APBA1: variants seen among roughly 807,000 people sequenced by gnomAD.
APBA1 encodes amyloid beta precursor protein binding family A member 1, also known as amyloid-beta A4 precursor protein-binding family A member 1.
A neutral mutation model predicts 86.6 loss-of-function variants in APBA1; 55 were observed. That is an observed-to-expected ratio of 0.64 (90% CI 0.51 to 0.80). The LOEUF is 0.80. APBA1 is among the 30% of genes least tolerant of loss of function. The pLI is 0.00. For synonymous variants in APBA1, 511 were observed against 493.9 expected (o/e 1.03, Z -0.46); for missense variants, 1,090 against 1,183.0 (o/e 0.92, Z 1.15).
At chr9:69,488,980 AG>A (rs987614064) in intron 2 of APBA1, among the ~76,000 whole-genome samples, 17 of 152,238 alleles carry the variant, frequency 1.1e-4, no homozygotes, top group African/African-American at 4.1e-4. Context: ...GAAATAAAAG[AG>A]GACACAAACA....
chr9:69,456,001 A>G (rs1835089577), intron 8 of APBA1, among the ~76,000 whole-genome samples: 1 of 152,060 alleles, frequency 6.6e-6, no homozygotes, highest in African/African-American at 2.4e-5. Flanking sequence ...TTGTCTGTGG[A>G]GCACTCCCCA....
intron 1 of APBA1, among the ~76,000 whole-genome samples, chr9:69,521,746 G>T (rs908752842): frequency 6.6e-6 from 1 of 152,164 alleles, no homozygotes; most frequent in African/African-American, 2.4e-5. Flanking sequence ...GCCTTGTGAA[G>T]ATCTGAGGGC....
intron 1 of APBA1, among the ~76,000 whole-genome samples, chr9:69,558,390 C>A (rs1703761554): frequency 6.6e-6 from 1 of 151,806 alleles, no homozygotes; most frequent in African/African-American, 2.4e-5. Flanking sequence ...ATTACTATGT[C>A]TTTTCTATGC....
intron 2 of APBA1, among the ~76,000 whole-genome samples, chr9:69,499,716 G>A (rs1835853416): frequency 6.6e-6 from 1 of 151,074 alleles, no homozygotes; most frequent in African/African-American, 2.4e-5. Context: ...AGGGCAGGGA[G>A]AGGGTAACAT....
intron 1 of APBA1, among the ~76,000 whole-genome samples, chr9:69,631,121 A>T (rs979409137): frequency 6.6e-6 from 1 of 152,168 alleles, no homozygotes; most frequent in African/African-American, 2.4e-5. Context: ...GGTAGATGCT[A>T]CTCTGCTGTT....
At chr9:69,598,273 G>A (rs1564087942) in intron 1 of APBA1, among the ~76,000 whole-genome samples, 1 of 151,870 alleles carries the variant, frequency 6.6e-6, no homozygotes, top group Non-Finnish European at 1.5e-5. Flanking sequence ...TCACACTCTG[G>A]GGACTGTGGT....
At chr9:69,666,813 A>T (rs1823848719) in intron 1 of APBA1, among the ~76,000 whole-genome samples, 1 of 152,204 alleles carries the variant, frequency 6.6e-6, no homozygotes, top group Admixed American at 6.5e-5. Context: ...GCTATCATAA[A>T]CTTGCACAGG....
intron 1 of APBA1, among the ~76,000 whole-genome samples, chr9:69,543,291 CGGCCTGT>C (rs1836648329): frequency 2.1e-5 from 3 of 143,848 alleles, no homozygotes; most frequent in South Asian, 2.4e-4. Context: ...CCCCCCCCCC[CGGCCTGT>C]CCTCCACAGC....
intron 1 of APBA1, among the ~76,000 whole-genome samples, chr9:69,560,189 C>A (rs1836927087): frequency 6.6e-6 from 1 of 152,202 alleles, no homozygotes; most frequent in Non-Finnish European, 1.5e-5. Flanking sequence ...TTCTCTGGTT[C>A]TTTTGAACTG....
chr9:69,557,675 G>A (rs2133934899), intron 1 of APBA1, among the ~76,000 whole-genome samples: 1 of 152,308 alleles, frequency 6.6e-6, no homozygotes, highest in Non-Finnish European at 1.5e-5. Flanking sequence ...TTCTGATAAT[G>A]CAGTCACTTT....
chr9:69,539,473 A>G (rs1023167902), intron 1 of APBA1, among the ~76,000 whole-genome samples: 2 of 152,138 alleles, frequency 1.3e-5, no homozygotes, highest in Non-Finnish European at 2.9e-5. Flanking sequence ...TTCAAAATGG[A>G]TCAAGAACCA....
At chr9:69,511,259 G>A (rs1374710130) in intron 2 of APBA1, among the ~76,000 whole-genome samples, 6 of 152,124 alleles carry the variant, frequency 3.9e-5, no homozygotes, top group Non-Finnish European at 5.9e-5. Context: ...AAAAGTGGCC[G>A]AAGGACATGA....
intron 1 of APBA1, among the ~76,000 whole-genome samples, chr9:69,652,562 G>A (rs547146671): frequency 7.9e-5 from 12 of 152,272 alleles, no homozygotes; most frequent in African/African-American, 2.9e-4. Flanking sequence ...AATAAAAGAA[G>A]AAAGGATCTG....
intron 1 of APBA1, among the ~76,000 whole-genome samples, chr9:69,621,124 G>A (rs1261609574): frequency 6.6e-6 from 1 of 152,182 alleles, no homozygotes; most frequent in Non-Finnish European, 1.5e-5. Flanking sequence ...CACAAAGTAA[G>A]CATTCATAAA....
rs569709343 is a variant in APBA1, at chr9:69,441,243, G to A, written c.2182-128C>T. 1.2e-5 allele frequency: 14 copies of A among 1,161,542 alleles called. No homozygotes were observed. In the African/African-American group the frequency reaches 1.6e-4, roughly 13 times the overall value. The allele number at this position is 1,161,542 out of a possible 1,614,324, so 72.0% of individuals were successfully genotyped here. On this transcript the variant is annotated intron_variant, in intron 10 of 12. Transcript: ENST00000265381. ...CGAAGGACCCACTGCCTGCTTGCCT[G>A]CAGGCCTCTGGTGCCTGGGCTGGTA...
At chr9:69,490,506 A>G (rs1384576393) in intron 2 of APBA1, among the ~76,000 whole-genome samples, 1 of 152,028 alleles carries the variant, frequency 6.6e-6, no homozygotes. Context: ...AAGCCCTAGA[A>G]GATAACCTAG....
chr9:69,447,352 C>A (rs902220695), intron 10 of APBA1, among the ~76,000 whole-genome samples: 3 of 152,222 alleles, frequency 2.0e-5, no homozygotes, highest in Non-Finnish European at 4.4e-5. Context: ...GCTTCCCTCT[C>A]TCATCGATTT....
At chr9:69,596,042 C>T (rs1822222076) in intron 1 of APBA1, among the ~76,000 whole-genome samples, 1 of 152,142 alleles carries the variant, frequency 6.6e-6, no homozygotes, top group South Asian at 2.1e-4. Context: ...GGCTGGTGTG[C>T]AGTGGTGTGA....
chr9:69,556,803 C>T (rs1199595646), intron 1 of APBA1, among the ~76,000 whole-genome samples: 4 of 152,072 alleles, frequency 2.6e-5, no homozygotes, highest in African/African-American at 9.6e-5. Context: ...GCAGAGGCAG[C>T]GTGGAAAAGG....
Sources: allele counts gnomAD v4.1 joint callset (sites outside exome capture counted in the v4.1 genomes callset), GRCh38; gene constraint gnomAD v4.1.1; transcripts MANE v1.5; gene names NCBI Gene and HGNC (gene_info 2026-07-23, HGNC 2026-07-21).